CCDC180: variants seen among roughly 807,000 people sequenced by gnomAD.
CCDC180 encodes the protein coiled-coil domain containing 180.
In CCDC180, 154 loss-of-function variants were observed where a neutral mutation model predicts 209.2. That is an observed-to-expected ratio of 0.74 (90% confidence interval 0.65 to 0.84). The LOEUF is 0.84. CCDC180 is among the 40% of genes least tolerant of loss of function. The pLI, the probability that CCDC180 is intolerant of heterozygous loss-of-function variation, is 0.00. For synonymous variants in CCDC180, 778 were observed against 749.1 expected (o/e 1.04, Z -0.63); for missense variants, 1,874 against 1,997.3 (o/e 0.94, Z 1.18).
chr9:97,335,616 TGA>T (rs772292759), intron 18 of CCDC180, among the ~76,000 whole-genome samples: 3 of 152,224 alleles, frequency 2.0e-5, no homozygotes, highest in Admixed American at 6.5e-5. Context: ...TTTGCTATTG[TGA>T]ATAGTGCCGC....
intron 18 of CCDC180, among the ~76,000 whole-genome samples, chr9:97,339,150 C>G (rs993494420): frequency 6.6e-6 from 1 of 152,092 alleles, no homozygotes; most frequent in Non-Finnish European, 1.5e-5. Context: ...GGCATTTAGC[C>G]CATTTACATT....
chr9:97,322,013 T>C lies in CCDC180; in HGVS notation c.1160-820T>C, dbSNP rs139767437. ...GCTTTATCCTGAGGGCAGTGGGAACTCAGTGGAAGGTTCTGAGCTGGGGGT... is the reference window on the plus strand; with the variant it reads ...GCTTTATCCTGAGGGCAGTGGGAACCCAGTGGAAGGTTCTGAGCTGGGGGT... On this transcript the variant is annotated intron_variant, in intron 11 of 36. Transcript: ENST00000529487. Among the ~76,000 whole-genome samples the C allele has an allele frequency of 8.5e-5, 13 of 152,098 alleles. No individual in the cohort carries two copies. In the East Asian group the frequency reaches 2.5e-3, roughly 29 times the overall value.
Position 97,375,538 on chromosome 9 carries a change from A to G in CCDC180, c.4791A>G (p.Lys1597=). Residue 1597 remains lysine, a synonymous_variant, in exon 36 of 37, where the codon AAA becomes AAG. Coordinates refer to ENST00000529487, the MANE Select transcript of CCDC180 (RefSeq NM_020893.6). ...CAACATCATCGATTTCCACCACCAA[A>G]ACCACCCTGGGCCACCTGGCGGCCG... ...LQPTSSISTT[K]TTLGHLAAVE... is the part of the protein sequence containing the mutation. 6.2e-7 allele frequency: 1 copy of G among 1,614,196 alleles called. No individual in the cohort carries two copies. The highest frequency in any genetic ancestry group is 8.5e-7 in the Non-Finnish European group (1 of 1,180,038).
rs777470035 is a variant in CCDC180, at chr9:97,370,679, C to A, written c.4389C>A (p.His1463Gln). 7 of 1,613,936 alleles carry A rather than the reference C, an allele frequency of 4.3e-6. No homozygotes were observed. The Admixed American group carries it at 1.2e-4, about 27-fold the overall frequency. ...NAQKLHLNLG[H>Q]PVHFQEMESL... ...AGAAGCTCCATCTAAATCTTGGACA[C>A]CCCGTACATTTCCAAGAAATGGAGT... Residue 1463 changes from histidine (H) to glutamine (Q), a missense_variant, in exon 33 of 37, where the codon CAC (histidine) becomes CAA (glutamine). By Grantham distance (24) the His-to-Gln change is conservative (BLOSUM62 0). Transcript: ENST00000529487.
At position 97,375,224 on chromosome 9, in the gene CCDC180, T is replaced by TC. The variant is rs201931169; in HGVS notation, c.4707-222dup. 5.1e-4 allele frequency among the ~76,000 whole-genome samples: 77 copies of TC among 150,450 alleles called. No homozygotes were observed. The East Asian group carries it at 0.011, about 21-fold the overall frequency. On this transcript the variant is annotated intron_variant, in intron 35 of 36. Transcript: ENST00000529487. Reference sequence around the variant, plus strand: ...GCAACTTGAGCTGTGGCACTCCCCTTCCCCCCCCAGAACCCCAGACCGTGC... The same window carrying TC: ...GCAACTTGAGCTGTGGCACTCCCCTTCCCCCCCCCAGAACCCCAGACCGTGC...
intron 29 of CCDC180, 97 bp downstream of exon 29, chr9:97,364,225 G>A (rs1826854709): frequency 8.5e-7 from 1 of 1,170,952 alleles, no homozygotes. Flanking sequence ...TCAGAAAGGG[G>A]AAAGGCAGGT....
chr9:97,344,058 T>A (rs1335790104), intron 19 of CCDC180, among the ~76,000 whole-genome samples: 2 of 151,694 alleles, frequency 1.3e-5, no homozygotes, highest in Non-Finnish European at 2.9e-5. Context: ...TGCCAAAGAG[T>A]TTTTTTGCAG....
At position 97,366,527 on chromosome 9, in the gene CCDC180, C is replaced by G. The variant is rs553115374; in HGVS notation, c.4048-32C>G. 3 of 1,609,072 alleles carry G rather than the reference C, an allele frequency of 1.9e-6. No individual in the cohort carries two copies. In the Admixed American group the frequency reaches 5.0e-5, roughly 27 times the overall value. The stretch of plus-strand genomic sequence containing the variant: ...AGCAAGGGCCAGAGTCCCATGGAGT[C>G]CTCACCCGCACATGGTCACCCTCTC... On this transcript the variant is annotated intron_variant, in intron 30 of 36. Coordinates refer to ENST00000529487, the MANE Select transcript of CCDC180 (RefSeq NM_020893.6). The surrounding 1 kb of genome is among the most constrained non-coding windows in gnomAD (Gnocchi z 4.3).
At position 97,376,817 on chromosome 9, in the gene CCDC180, T is replaced by C; in HGVS notation, c.4897T>C (p.Ser1633Pro). The stretch of plus-strand genomic sequence containing the variant: ...AAAGAGGATCCAGGATGACTGTACA[T>C]CTCAGATAAAGGAGGCTCAGCGCTG... ...ELKRIQDDCTSQIKEAQRWKD... is the reference protein window; with the variant it reads ...ELKRIQDDCTPQIKEAQRWKD... The change falls in exon 37 of 37, where the codon TCT (serine) becomes CCT (proline). Residue 1633 changes from serine (S) to proline (P), a missense_variant. By Grantham distance (74) the Ser-to-Pro change is moderately conservative. Transcript: ENST00000529487. 6.2e-7 allele frequency: 1 copy of C among 1,613,542 alleles called. No homozygotes were observed. Among genetic ancestry groups the C allele is most frequent in the Non-Finnish European group, 8.5e-7 (1 of 1,179,968 alleles).
intron 21 of CCDC180, among the ~76,000 whole-genome samples, chr9:97,349,975 T>C (rs1020140024): frequency 3.9e-5 from 6 of 152,166 alleles, no homozygotes; most frequent in Non-Finnish European, 8.8e-5. Flanking sequence ...CTTCTGGGAT[T>C]CTTTCACCAA....
In CCDC180 at chr9:97,376,791, T is replaced by C; in HGVS notation, c.4871T>C (p.Leu1624Pro). The change falls in exon 37 of 37, where the codon CTA becomes CCA. Residue 1624 changes from leucine to proline, a missense_variant. Physicochemically the swap from Leu to Pro is moderately conservative, Grantham distance 98. Coordinates refer to ENST00000529487, the MANE Select transcript of CCDC180 (RefSeq NM_020893.6). ...TATTTAGCATCATTTGAGGAGGAGC[T>C]AAAGAGGATCCAGGATGACTGTACA... ...LKYLASFEEE[L>P]KRIQDDCTSQ... 1 of 1,613,478 alleles carries C rather than the reference T, an allele frequency of 6.2e-7. No homozygotes were observed. Among genetic ancestry groups the C allele is most frequent in the East Asian group, 2.2e-5 (1 of 44,880 alleles).
intron 18 of CCDC180, among the ~76,000 whole-genome samples, chr9:97,340,949 C>G (rs1411654940): frequency 1.3e-5 from 2 of 152,168 alleles, no homozygotes; most frequent in Non-Finnish European, 2.9e-5. Flanking sequence ...CCTAGTCTGC[C>G]TTCATGTTCC....
Position 97,325,165 on chromosome 9 carries a change from C to A in CCDC180, c.1518C>A (p.His506Gln). 2 of 1,605,146 alleles carry A rather than the reference C, an allele frequency of 1.2e-6. No individual in the cohort carries two copies. Among genetic ancestry groups the A allele is most frequent in the Non-Finnish European group, 8.5e-7 (1 of 1,175,794 alleles). ...AGCTGGAGAAGAGGATGGAGCAGCA[C>A]CGGCAGAAGCACAGCCTGGAGAGCC... ...ELELEKRMEQHRQKHSLESQV... is the reference protein window; with the variant it reads ...ELELEKRMEQQRQKHSLESQV... The change falls in exon 14 of 37, where the codon CAC (histidine) becomes CAA (glutamine). Residue 506 changes from histidine to glutamine, a missense_variant. Transcript: ENST00000529487.
At chr9:97,343,597 G>T in intron 19 of CCDC180, 34 bp downstream of exon 19, 5 of 1,399,358 alleles carry the variant, frequency 3.6e-6, no homozygotes, top group East Asian at 2.3e-5. Context: ...TCATCCTGTT[G>T]TTCTGAGTTT....
chr9:97,370,571 A>T, intron 32 of CCDC180, 70 bp from the exon 33 acceptor site: 1 of 1,546,292 alleles, frequency 6.5e-7, no homozygotes, highest in African/African-American at 1.4e-5. Context: ...ATCATAATTG[A>T]CAGAAGACAC....
At chr9:97,330,091 G>T (rs566773031) in intron 16 of CCDC180, 63 bp from the exon 17 acceptor site, 4 of 1,135,910 alleles carry the variant, frequency 3.5e-6, no homozygotes, top group Non-Finnish European at 5.2e-6. Flanking sequence ...AAAAAAAAAG[G>T]TGGGGGGCAC....
Position 97,366,501 on chromosome 9 carries a change from G to A in CCDC180, c.4048-58G>A. 2 of 1,572,492 alleles carry A rather than the reference G, an allele frequency of 1.3e-6. No homozygotes were observed. Reference sequence around the variant, plus strand: ...GTGAGGGCAGGCTGGTGGATCCCAGGAGCAAGGGCCAGAGTCCCATGGAGT... The same window carrying A: ...GTGAGGGCAGGCTGGTGGATCCCAGAAGCAAGGGCCAGAGTCCCATGGAGT... On this transcript the variant is annotated intron_variant, in intron 30 of 36. Transcript: ENST00000529487. This position sits in a 1 kb window ranked among gnomAD's most constrained non-coding sequence, Gnocchi z 4.3.
At chr9:97,327,185 T>C (rs1406309353) in intron 15 of CCDC180, among the ~76,000 whole-genome samples, 1 of 151,990 alleles carries the variant, frequency 6.6e-6, no homozygotes, top group Non-Finnish European at 1.5e-5. Flanking sequence ...AAAAAAAAAT[T>C]TAAACATGTA....
At chr9:97,345,947 A>G (rs182376447) in intron 19 of CCDC180, 8 of 152,704 alleles carry the variant, frequency 5.2e-5, no homozygotes, top group Admixed American at 5.2e-4. Flanking sequence ...CCTTACCCCC[A>G]AGGACATGGA....
Sources: gnomAD v4.1 joint callset for allele counts (sites outside exome capture counted in the v4.1 genomes callset) on GRCh38, gnomAD v4.1.1 for gene constraint, Gnocchi (gnomAD v3.1) non-coding constraint, MANE v1.5 for transcripts, NCBI Gene and HGNC (gene_info 2026-07-23, HGNC 2026-07-21) for gene names.